CASP5: variants seen among roughly 807,000 people sequenced by gnomAD.
CASP5 encodes caspase 5, also known as caspase-5.
In CASP5, 42 loss-of-function variants were observed where a neutral mutation model predicts 45.2. The ratio of observed to expected loss-of-function variants is 0.93; its 90% confidence interval spans 0.73 to 1.20. CASP5 has a LOEUF of 1.20. Among genes scored for constraint, CASP5 ranks in the 50% most tolerant of loss-of-function variants. The pLI, the probability that CASP5 is intolerant of heterozygous loss-of-function variation, is 0.00. For missense variants in CASP5, 512 were observed against 532.2 expected, an observed-to-expected ratio of 0.96 and a Z score of 0.37; for synonymous variants, 209 against 186.2, an observed-to-expected ratio of 1.12 and a Z score of -1.00.
chr11:105,002,203 T>G lies in CASP5; in HGVS notation c.544-2A>C. On this transcript the variant is annotated splice_acceptor_variant, in intron 4 of 9. Transcript: ENST00000260315. LOFTEE classifies it high-confidence loss of function. The stretch of plus-strand genomic sequence containing the variant: ...CTCTCTCTTTTTTATTGGATAGATC[T>G]GCAGGAGATGGAGATGAAGCAACTT... 6.2e-7 allele frequency: 1 copy of G among 1,613,212 alleles called. No homozygotes were observed. The highest frequency in any genetic ancestry group is 8.5e-7 in the Non-Finnish European group (1 of 1,179,578).
intron 6 of CASP5, among the ~76,000 whole-genome samples, chr11:104,999,743 C>G (rs968868894): frequency 8.6e-5 from 13 of 152,014 alleles, no homozygotes; most frequent in African/African-American, 3.1e-4. Context: ...ATATACATCC[C>G]AATAGTCATG....
chr11:105,009,460 C>A (rs564647800), intron 1 of CASP5, among the ~76,000 whole-genome samples: 123 of 151,394 alleles, frequency 8.1e-4, no homozygotes, highest in Admixed American at 3.4e-3. Context: ...CAAGCTATAC[C>A]CAATTGTGCT....
At position 105,015,601 on chromosome 11, in the gene CASP5, G is replaced by A. The variant is rs560496876; in HGVS notation, c.8-6621C>T. On this transcript the variant is annotated intron_variant, in intron 1 of 9. Transcript: ENST00000260315. ...CCCACTTAACTTATTTTTGATTAGTGCTCTTCAATTTCTCCTATCTATTAT... is the reference window on the plus strand; with the variant it reads ...CCCACTTAACTTATTTTTGATTAGTACTCTTCAATTTCTCCTATCTATTAT... Among the ~76,000 whole-genome samples the A allele has an allele frequency of 2.4e-4, 37 of 152,172 alleles. No homozygotes were observed. In the South Asian group the frequency reaches 6.9e-3, roughly 28 times the overall value.
At chr11:105,019,751 T>A (rs1297723567) in intron 1 of CASP5, among the ~76,000 whole-genome samples, 1 of 144,840 alleles carries the variant, frequency 6.9e-6, no homozygotes, top group Non-Finnish European at 1.5e-5. Flanking sequence ...GTACCATTCC[T>A]TCTGAAACTA....
intron 1 of CASP5, among the ~76,000 whole-genome samples, chr11:105,012,932 T>C (rs1320719066): frequency 6.6e-6 from 1 of 151,960 alleles, no homozygotes; most frequent in African/African-American, 2.4e-5. Context: ...TTAGTATATA[T>C]TTTAAACATT....
Position 105,002,177 on chromosome 11 carries a change from C to T in CASP5, c.568G>A (p.Asp190Asn). ...ATGATGAGAGCCAGGCGTCTGCGGT[C>T]CTCTCTCTTTTTTATTGGATAGATC... is the stretch of plus-strand genomic sequence containing the variant. The part of the protein sequence containing the change: ...DEIYPIKKRE[D>N]RRRLALIICN... Residue 190 changes from aspartate to asparagine, a missense_variant, in exon 5 of 10, where the codon GAC (aspartate) becomes AAC (asparagine). Asp to Asn is a conservative substitution (Grantham distance 23, BLOSUM62 1). Coordinates refer to ENST00000260315, the MANE Select transcript of CASP5 (RefSeq NM_004347.5). 6.2e-7 allele frequency: 1 copy of T among 1,613,986 alleles called. No homozygotes were observed. The highest frequency in any genetic ancestry group is 8.5e-7 in the Non-Finnish European group (1 of 1,179,960).
rs201797161 is a variant in CASP5 at position 105,009,144 on chromosome 11, A to G, written c.8-164T>C. On this transcript the variant is annotated intron_variant, in intron 1 of 9. Transcript: ENST00000260315. ...TTCTTTGTACCTGTAGCATTCTCTC[A>G]CCCATCAAATTCCTACCAGGCTGTG... 195 of 646,638 alleles carry G rather than the reference A, an allele frequency of 3.0e-4. 1 individual carries two copies. In the East Asian group the frequency reaches 5.3e-3, roughly 18 times the overall value. 40.1% of individuals were successfully genotyped at this position (646,638 alleles called of 1,614,324 possible). A position where few individuals can be genotyped will look rare whatever the true frequency, so the allele number is the denominator to read the frequency against.
chr11:105,001,924 A>G, intron 5 of CASP5, 104 bp downstream of exon 5: 2 of 1,133,270 alleles, frequency 1.8e-6, no homozygotes, highest in Non-Finnish European at 2.6e-6. Flanking sequence ...ACGCACACGA[A>G]CCCAGAGGTT....
At chr11:105,016,366 C>T (rs1429450125) in intron 1 of CASP5, among the ~76,000 whole-genome samples, 1 of 152,086 alleles carries the variant, frequency 6.6e-6, no homozygotes, top group African/African-American at 2.4e-5. Flanking sequence ...GAGCAGAAGA[C>T]GGGTGATTTC....
intron 1 of CASP5, among the ~76,000 whole-genome samples, chr11:105,009,230 C>T (rs1309226919): frequency 1.3e-5 from 2 of 151,872 alleles, no homozygotes; most frequent in African/African-American, 4.8e-5. Flanking sequence ...CTTTCTGCAG[C>T]ATTGGGCCTA....
chr11:105,017,558 G>A (rs1238153648), intron 1 of CASP5, among the ~76,000 whole-genome samples: 64 of 152,220 alleles, frequency 4.2e-4, no homozygotes, highest in African/African-American at 1.3e-3. Context: ...GGGTATCAGC[G>A]ATGGAAGATG....
At chr11:105,017,225 C>T (rs1431526549) in intron 1 of CASP5, among the ~76,000 whole-genome samples, 1 of 152,118 alleles carries the variant, frequency 6.6e-6, no homozygotes, top group Non-Finnish European at 1.5e-5. Flanking sequence ...AGCAGAAAAA[C>T]TGGAAACTCT....
At chr11:105,020,707 A>G (rs1862905835) in intron 1 of CASP5, among the ~76,000 whole-genome samples, 1 of 152,198 alleles carries the variant, frequency 6.6e-6, no homozygotes, top group Non-Finnish European at 1.5e-5. Context: ...AGGAAGAATC[A>G]ATATCGTGAA....
At chr11:105,008,669 A>G in intron 2 of CASP5, 138 bp downstream of exon 2, 1 of 663,368 alleles carries the variant, frequency 1.5e-6, no homozygotes, top group East Asian at 2.7e-5. Context: ...TCCCTGAAGG[A>G]AAAATTATAG....
In CASP5 at chr11:104,998,943, A is replaced by G; in HGVS notation, c.1038T>C (p.Asp346=). 1 of 1,613,976 alleles carries G rather than the reference A, an allele frequency of 6.2e-7. No individual in the cohort carries two copies. The highest frequency in any genetic ancestry group is 8.5e-7 in the Non-Finnish European group (1 of 1,179,876). Residue 346 remains aspartate, a synonymous_variant, in exon 7 of 10, where the codon GAT becomes GAC. Transcript: ENST00000260315. ...SSQSSENLEA[D]SVCKIHEEKD... ...TCTCCTCGTGGATCTTGCAAACAGA[A>G]TCTGCCTCCAGGTTCTCAGATGACT...
intron 1 of CASP5, among the ~76,000 whole-genome samples, chr11:105,012,479 G>A (rs1173326636): frequency 2.0e-5 from 3 of 151,832 alleles, no homozygotes; most frequent in Admixed American, 2.0e-4. Context: ...ACAACAGTGT[G>A]AAGAGATAAC....
chr11:105,008,737 C>T (rs2134723976), intron 2 of CASP5, 70 bp downstream of exon 2: 1 of 1,088,504 alleles, frequency 9.2e-7, no homozygotes, highest in Non-Finnish European at 1.4e-6. Flanking sequence ...ACAGAAGTCA[C>T]TGCATGGGAC....
chr11:105,009,068 A>G, intron 1 of CASP5, 88 bp from the exon 2 acceptor site: 1 of 1,127,570 alleles, frequency 8.9e-7, no homozygotes, highest in Non-Finnish European at 1.3e-6. Context: ...AATGTGAAAC[A>G]CCCTTGAAAA....
At chr11:105,006,214 T>C (rs141626950) in intron 3 of CASP5, among the ~76,000 whole-genome samples, 2 of 152,328 alleles carry the variant, frequency 1.3e-5, no homozygotes, top group Admixed American at 1.3e-4. Context: ...CATTTTATAG[T>C]AGTTCCCTGA....
Sources: gnomAD v4.1 joint callset for allele counts (sites outside exome capture counted in the v4.1 genomes callset) on GRCh38, gnomAD v4.1.1 for gene constraint, MANE v1.5 for transcripts, NCBI Gene and HGNC (gene_info 2026-07-23, HGNC 2026-07-21) for gene names.